Variants in CSNK2A2IP observed in about 807,000 individuals in gnomAD.
CSNK2A2IP encodes the protein casein kinase II subunit alpha'-interacting protein.
the CSNK2A2IP span, among the ~76,000 whole-genome samples, chr3:88,381,858 T>C: frequency 3.3e-5 from 5 of 152,222 alleles, no homozygotes; most frequent in Non-Finnish European, 7.3e-5. Flanking sequence ...TTCATGGGTA[T>C]ATGCTGATCT....
At chr3:88,456,180 A>C in the CSNK2A2IP span, among the ~76,000 whole-genome samples, 1 of 151,968 alleles carries the variant, frequency 6.6e-6, no homozygotes, top group African/African-American at 2.4e-5. Flanking sequence ...AGCTATCAGG[A>C]TATTTTATGT....
the CSNK2A2IP span, among the ~76,000 whole-genome samples, chr3:88,394,584 G>A: frequency 6.6e-6 from 1 of 152,160 alleles, no homozygotes; most frequent in Non-Finnish European, 1.5e-5. Context: ...ATTTTGGCTA[G>A]GCTGGTCTCG....
chr3:88,390,585 A>G, the CSNK2A2IP span, among the ~76,000 whole-genome samples: 41 of 152,190 alleles, frequency 2.7e-4, no homozygotes, highest in Non-Finnish European at 2.8e-4. Context: ...AAATAACTAA[A>G]TCGAGTGGGC....
chr3:88,446,026 TTTCTTTTCTTTCTTTCTTTCTTTC>T, the CSNK2A2IP span, among the ~76,000 whole-genome samples: 4,867 of 113,424 alleles, frequency 0.043, 249 homozygotes, highest in Non-Finnish European at 0.059. Flanking sequence ...TCTTTCTTTG[TTTCTTTTCTTTCTTTCTTTCTTTC>T]TTTCTTTCTT....
chr3:88,421,461 G>A, the CSNK2A2IP span, among the ~76,000 whole-genome samples: 1 of 152,122 alleles, frequency 6.6e-6, no homozygotes, highest in Non-Finnish European at 1.5e-5. Context: ...CTGTTGCCCA[G>A]GCTAGAGGGC....
the CSNK2A2IP span, among the ~76,000 whole-genome samples, chr3:88,459,204 C>A: frequency 1.5e-4 from 23 of 152,094 alleles, no homozygotes; most frequent in African/African-American, 4.3e-4. Flanking sequence ...AAAACTGTGA[C>A]CTTTCCTGGA....
the CSNK2A2IP span, among the ~76,000 whole-genome samples, chr3:88,446,003 CCTTT>C: frequency 1.2e-4 from 16 of 129,442 alleles, no homozygotes; most frequent in African/African-American, 3.5e-4. Context: ...CTTTCTTTCT[CCTTT>C]CTTTCTTTTC....
the CSNK2A2IP span, among the ~76,000 whole-genome samples, chr3:88,438,537 T>C: frequency 9.2e-5 from 14 of 152,168 alleles, no homozygotes; most frequent in Non-Finnish European, 1.6e-4. Flanking sequence ...TGTGTGAAAG[T>C]AGATCATAAG....
the CSNK2A2IP span, among the ~76,000 whole-genome samples, chr3:88,367,210 C>T: frequency 5.3e-5 from 8 of 151,906 alleles, no homozygotes; most frequent in South Asian, 2.1e-4. Context: ...AGGACCTTCC[C>T]GATATACACA....
At chr3:88,411,489 T>C in the CSNK2A2IP span, among the ~76,000 whole-genome samples, 1 of 151,894 alleles carries the variant, frequency 6.6e-6, no homozygotes, top group African/African-American at 2.4e-5. Context: ...ATAAGTTTAT[T>C]GCATTAAATA....
At chr3:88,424,188 T>G in the CSNK2A2IP span, among the ~76,000 whole-genome samples, 1 of 152,234 alleles carries the variant, frequency 6.6e-6, no homozygotes, top group African/African-American at 2.4e-5. Context: ...AACATCTGTC[T>G]GCTAATTGAA....
the CSNK2A2IP span, among the ~76,000 whole-genome samples, chr3:88,405,735 C>T: frequency 6.6e-6 from 1 of 152,134 alleles, no homozygotes; most frequent in South Asian, 2.1e-4. Flanking sequence ...GAACCCTGAC[C>T]AAAACAACCA....
At chr3:88,415,000 T>C in the CSNK2A2IP span, among the ~76,000 whole-genome samples, 21 of 151,860 alleles carry the variant, frequency 1.4e-4, no homozygotes, top group African/African-American at 4.8e-4. Context: ...AACTTTAGTA[T>C]GACAGTAATG....
the CSNK2A2IP span, among the ~76,000 whole-genome samples, chr3:88,406,497 A>G: frequency 1.3e-5 from 2 of 152,216 alleles, no homozygotes; most frequent in Admixed American, 6.5e-5. Flanking sequence ...TTAGAAATAA[A>G]TAACATTCTA....
At chr3:88,354,619 CT>C in the CSNK2A2IP span, among the ~76,000 whole-genome samples, 6 of 152,254 alleles carry the variant, frequency 3.9e-5, no homozygotes, top group Admixed American at 3.9e-4. Flanking sequence ...GAAAATTCAC[CT>C]GTCCACCATG....
chr3:88,388,222 A>C, the CSNK2A2IP span, among the ~76,000 whole-genome samples: 1 of 152,322 alleles, frequency 6.6e-6, no homozygotes, highest in East Asian at 1.9e-4. Flanking sequence ...TAAATCATAC[A>C]CACAAAAACA....
chr3:88,444,702 G>T, the CSNK2A2IP span, among the ~76,000 whole-genome samples: 3 of 152,140 alleles, frequency 2.0e-5, no homozygotes, highest in African/African-American at 2.4e-5. Context: ...GACGGCTAGG[G>T]GTGTTCTGCT....
the CSNK2A2IP span, among the ~76,000 whole-genome samples, chr3:88,387,779 G>A: frequency 3.3e-5 from 5 of 152,166 alleles, no homozygotes; most frequent in Non-Finnish European, 7.4e-5. Flanking sequence ...AGGCTAGAGT[G>A]CAGCGGCATG....
the CSNK2A2IP span, among the ~76,000 whole-genome samples, chr3:88,348,023 C>T: frequency 2.0e-5 from 3 of 151,884 alleles, no homozygotes; most frequent in Non-Finnish European, 4.4e-5. Flanking sequence ...CCTATAAAGA[C>T]TTTCTTTCAC....
Sources: allele counts gnomAD v4.1 joint callset (sites outside exome capture counted in the v4.1 genomes callset), GRCh38; gene constraint gnomAD v4.1.1; transcripts MANE v1.5; gene names NCBI Gene and HGNC (gene_info 2026-07-23, HGNC 2026-07-21).